Variants in INPP4B observed in about 807,000 individuals in gnomAD.
INPP4B encodes inositol polyphosphate-4-phosphatase type II B.
Under a neutral mutation model 122.5 loss-of-function variants are expected in INPP4B, and 55 were observed. That is an observed-to-expected ratio of 0.45 (90% CI 0.36 to 0.56). The LOEUF (loss-of-function observed/expected upper bound fraction) is 0.56. Ranked by LOEUF, INPP4B falls within the 20% of genes least tolerant of loss-of-function variation. INPP4B has a pLI of 0.00. For synonymous variants in INPP4B, 403 were observed against 388.7 expected (o/e 1.04, Z -0.43); for missense variants, 1,000 against 1,097.7 (o/e 0.91, Z 1.26).
intron 25 of INPP4B, among the ~76,000 whole-genome samples, chr4:142,071,054 G>C (rs1766960978): frequency 1.3e-5 from 2 of 152,140 alleles, no homozygotes; most frequent in Admixed American, 1.3e-4. Flanking sequence ...AAAGAATAAA[G>C]CTGGAGGCAT....
intron 2 of INPP4B, among the ~76,000 whole-genome samples, chr4:142,702,730 C>CAA (rs35472471): frequency 0.013 from 848 of 63,934 alleles, 8 homozygotes; most frequent in African/African-American, 0.02. Context: ...AACTCCGTCT[C>CAA]AAAAAAAAAA....
chr4:142,448,049 C>A (rs1813292656), intron 3 of INPP4B, among the ~76,000 whole-genome samples: 1 of 151,994 alleles, frequency 6.6e-6, no homozygotes, highest in Non-Finnish European at 1.5e-5. Flanking sequence ...AAGTCCATAG[C>A]AAAACAGGAT....
At position 142,024,686 on chromosome 4, in the gene INPP4B, ATATT is replaced by A. The variant is rs1736495909; in HGVS notation, c.*4092_*4095del. On this transcript the variant is annotated 3_prime_UTR_variant, in exon 26 of 26. Coordinates refer to ENST00000262992, the MANE Select transcript of INPP4B (RefSeq NM_001101669.3). ...TAACAGTTTTGGTTTCAATTGAGCTATATTTATTAGAATCTGGGCACAGTAATAT... is the reference window on the plus strand; with the variant it reads ...TAACAGTTTTGGTTTCAATTGAGCTATATTAGAATCTGGGCACAGTAATAT... The A allele has an allele frequency of 6.6e-6, 1 of 152,136 alleles. No individual in the cohort carries two copies. Among genetic ancestry groups the A allele is most frequent in the South Asian group, 2.1e-4 (1 of 4,830 alleles). The allele number at this position is 152,136 out of a possible 1,614,324, so 9.4% of individuals were successfully genotyped here.
At chr4:142,736,317 T>C (rs1766880213) in intron 1 of INPP4B, among the ~76,000 whole-genome samples, 2 of 151,974 alleles carry the variant, frequency 1.3e-5, no homozygotes, top group Non-Finnish European at 2.9e-5. Flanking sequence ...AAACTTGCTC[T>C]TGTAATTTTT....
intron 2 of INPP4B, among the ~76,000 whole-genome samples, chr4:142,694,170 C>G (rs1280258100): frequency 6.6e-6 from 1 of 151,812 alleles, no homozygotes; most frequent in Non-Finnish European, 1.5e-5. Context: ...GTCGGGAGTT[C>G]CAGACCAGCC....
intron 7 of INPP4B, among the ~76,000 whole-genome samples, chr4:142,393,066 T>G (rs2149017718): frequency 6.6e-6 from 1 of 152,302 alleles, no homozygotes; most frequent in South Asian, 2.1e-4. Context: ...TGTCAAATGG[T>G]ATCTTTTCAA....
chr4:142,509,006 G>T (rs1471885770), intron 2 of INPP4B, among the ~76,000 whole-genome samples: 1 of 152,130 alleles, frequency 6.6e-6, no homozygotes, highest in Admixed American at 6.6e-5. Context: ...ATGAGGTTGT[G>T]CCAAAAAGCC....
At chr4:142,557,617 C>T (rs938549939) in intron 2 of INPP4B, among the ~76,000 whole-genome samples, 3 of 152,186 alleles carry the variant, frequency 2.0e-5, no homozygotes, top group Non-Finnish European at 2.9e-5. Flanking sequence ...AGTGCAAAAC[C>T]TGTTTAAGAT....
At chr4:142,695,085 CT>C (rs1021061648) in intron 2 of INPP4B, among the ~76,000 whole-genome samples, 4 of 150,900 alleles carry the variant, frequency 2.7e-5, no homozygotes, top group Non-Finnish European at 4.4e-5. Context: ...TAATCATTCA[CT>C]TTTTTTTTAG....
chr4:142,320,955 T>C (rs1401700479), intron 7 of INPP4B, among the ~76,000 whole-genome samples: 1 of 152,236 alleles, frequency 6.6e-6, no homozygotes, highest in Non-Finnish European at 1.5e-5. Context: ...CTTTTTCATA[T>C]GACTCCTTTT....
chr4:142,625,891 C>T (rs1226109963), intron 2 of INPP4B, among the ~76,000 whole-genome samples: 3 of 152,160 alleles, frequency 2.0e-5, no homozygotes, highest in Non-Finnish European at 4.4e-5. Flanking sequence ...GAAAGGATTC[C>T]CTACTTAATA....
intron 2 of INPP4B, among the ~76,000 whole-genome samples, chr4:142,510,669 T>C (rs1824601588): frequency 6.6e-6 from 1 of 152,214 alleles, no homozygotes; most frequent in Admixed American, 6.5e-5. Flanking sequence ...TTAAATATCA[T>C]GCCTTATGTT....
At chr4:142,395,933 A>G (rs1308927735) in intron 7 of INPP4B, among the ~76,000 whole-genome samples, 1 of 152,154 alleles carries the variant, frequency 6.6e-6, no homozygotes, top group Non-Finnish European at 1.5e-5. Flanking sequence ...TAATTAGTAT[A>G]AAGTCCCAAT....
At chr4:142,132,687 T>C (rs1300616442) in intron 18 of INPP4B, among the ~76,000 whole-genome samples, 1 of 152,160 alleles carries the variant, frequency 6.6e-6, no homozygotes, top group African/African-American at 2.4e-5. Flanking sequence ...CTTAAGAGTG[T>C]CACTCTAGCA....
chr4:142,239,470 T>C (rs376951462), intron 11 of INPP4B, among the ~76,000 whole-genome samples: 1 of 152,176 alleles, frequency 6.6e-6, no homozygotes, highest in Non-Finnish European at 1.5e-5. Flanking sequence ...TTAAATTTTG[T>C]CAATTTGGTT....
At chr4:142,508,433 C>T (rs1291490653) in intron 2 of INPP4B, among the ~76,000 whole-genome samples, 1 of 152,232 alleles carries the variant, frequency 6.6e-6, no homozygotes. Context: ...TGCTACCATG[C>T]CTGGCTAATT....
intron 14 of INPP4B, among the ~76,000 whole-genome samples, chr4:142,199,690 G>T (rs1375326290): frequency 6.6e-6 from 1 of 151,930 alleles, no homozygotes; most frequent in Non-Finnish European, 1.5e-5. Flanking sequence ...TTTTTGAAGA[G>T]TACTTATCAG....
rs757787507 is a variant in INPP4B, at chr4:142,260,579, A to C, written c.616-15T>G. ...ACCAGGGCACACTAGGAAAAAATGT[A>C]AAAAAAAAAAAAAAATTTTGAGAAC... is the stretch of plus-strand genomic sequence containing the variant. On this transcript the variant is annotated splice_polypyrimidine_tract_variant and intron_variant, in intron 10 of 25. Transcript: ENST00000262992. The C allele has an allele frequency of 9.0e-5, 99 of 1,093,930 alleles. No individual in the cohort carries two copies. The South Asian group carries it at 1.5e-3, about 16-fold the overall frequency. The allele number at this position is 1,093,930 out of a possible 1,614,324, so 67.8% of individuals were successfully genotyped here.
At chr4:142,526,914 G>A (rs1826996150) in intron 2 of INPP4B, among the ~76,000 whole-genome samples, 1 of 151,928 alleles carries the variant, frequency 6.6e-6, no homozygotes. Flanking sequence ...CAATGAAAAA[G>A]CTTTAAAATT....
Sources: gnomAD v4.1 joint callset for allele counts (sites outside exome capture counted in the v4.1 genomes callset) on GRCh38, gnomAD v4.1.1 for gene constraint, MANE v1.5 for transcripts, NCBI Gene and HGNC (gene_info 2026-07-23, HGNC 2026-07-21) for gene names.